The following MAML2 variants were observed in gnomAD, a reference collection of about 807,000 sequenced individuals.
The protein encoded by MAML2 is mastermind-like protein 2.
A neutral mutation model predicts 96.1 loss-of-function variants in MAML2; 22 were observed. The ratio of observed to expected loss-of-function variants is 0.23; its 90% confidence interval spans 0.16 to 0.33. The LOEUF is 0.33. MAML2 is among the 10% of genes least tolerant of loss of function. The pLI is 1.00. For synonymous variants in MAML2, 561 were observed against 521.3 expected, an observed-to-expected ratio of 1.08 and a Z score of -1.04; for missense variants, 1,367 against 1,392.4, an observed-to-expected ratio of 0.98 and a Z score of 0.29.
intron 1 of MAML2, among the ~76,000 whole-genome samples, chr11:96,106,902 A>G (rs556178516): frequency 6.6e-6 from 1 of 151,424 alleles, no homozygotes; most frequent in South Asian, 2.1e-4. Flanking sequence ...GCTAGAGGAT[A>G]AAGTGCTTCC....
At chr11:96,031,335 TTGTGTGTGTG>T (rs10596374) in intron 2 of MAML2, among the ~76,000 whole-genome samples, 2 of 150,236 alleles carry the variant, frequency 1.3e-5, no homozygotes, top group African/African-American at 2.4e-5. Flanking sequence ...ATTTAACAGT[TTGTGTGTGTG>T]TGTGTGTGTG....
chr11:96,073,321 CTTTTTT>C (rs57220287), intron 2 of MAML2, among the ~76,000 whole-genome samples: 47 of 108,314 alleles, frequency 4.3e-4, no homozygotes, highest in African/African-American at 1.2e-3. Flanking sequence ...CTTTTCTTTT[CTTTTTT>C]TTTTTTTTTT....
chr11:96,283,311 A>G (rs1018998560), intron 1 of MAML2, among the ~76,000 whole-genome samples: 2 of 152,202 alleles, frequency 1.3e-5, no homozygotes, highest in Non-Finnish European at 1.5e-5. Flanking sequence ...TTAACCAGAA[A>G]TTAAGTAAGG....
intron 1 of MAML2, among the ~76,000 whole-genome samples, chr11:96,175,917 A>G (rs890791249): frequency 4.6e-5 from 7 of 152,202 alleles, no homozygotes; most frequent in African/African-American, 1.4e-4. Flanking sequence ...CCTCAGTTCT[A>G]TAACTTACCT....
At chr11:95,989,512 C>T (rs7113517) in intron 3 of MAML2, among the ~76,000 whole-genome samples, 58,333 of 151,998 alleles carry the variant, frequency 0.38, 13,237 homozygotes, top group African/African-American at 0.63. Context: ...TGAAAATCAA[C>T]CTCTGTGTGT....
At chr11:96,077,761 G>A (rs569968808) in intron 2 of MAML2, among the ~76,000 whole-genome samples, 2 of 152,326 alleles carry the variant, frequency 1.3e-5, no homozygotes. Flanking sequence ...GACTCTGGGT[G>A]TGGCTGCAGC....
At chr11:96,280,953 A>G (rs1452581347) in intron 1 of MAML2, among the ~76,000 whole-genome samples, 1 of 152,208 alleles carries the variant, frequency 6.6e-6, no homozygotes, top group Non-Finnish European at 1.5e-5. Flanking sequence ...AGTAAGAACA[A>G]TGTATATGTA....
At chr11:96,284,253 T>C (rs992742371) in intron 1 of MAML2, among the ~76,000 whole-genome samples, 1 of 152,214 alleles carries the variant, frequency 6.6e-6, no homozygotes, top group African/African-American at 2.4e-5. Context: ...ATATGTGTAA[T>C]TTCAAAATCA....
At chr11:96,028,058 T>A (rs1255503045) in intron 2 of MAML2, among the ~76,000 whole-genome samples, 1 of 152,150 alleles carries the variant, frequency 6.6e-6, no homozygotes, top group Admixed American at 6.5e-5. Context: ...AAGGGACTCA[T>A]AAGTAAACAA....
chr11:96,307,059 C>A (rs1245033044), intron 1 of MAML2, among the ~76,000 whole-genome samples: 5 of 152,148 alleles, frequency 3.3e-5, no homozygotes, highest in Admixed American at 3.3e-4. Context: ...CTCACTCACA[C>A]GGCTGTAATA....
At chr11:96,283,405 G>T (rs1863097702) in intron 1 of MAML2, among the ~76,000 whole-genome samples, 1 of 152,130 alleles carries the variant, frequency 6.6e-6, no homozygotes, top group Non-Finnish European at 1.5e-5. Context: ...CTTGACATGG[G>T]AAATAGAAGA....
chr11:96,293,514 T>C (rs1863244631), intron 1 of MAML2, among the ~76,000 whole-genome samples: 1 of 152,124 alleles, frequency 6.6e-6, no homozygotes, highest in Non-Finnish European at 1.5e-5. Flanking sequence ...TTAAGATAAC[T>C]ATAAAAATAC....
At chr11:96,162,944 G>A (rs1201932681) in intron 1 of MAML2, among the ~76,000 whole-genome samples, 1 of 152,170 alleles carries the variant, frequency 6.6e-6, no homozygotes, top group Non-Finnish European at 1.5e-5. Flanking sequence ...TTCCTGCTTG[G>A]ATTAGTGTAA....
At chr11:96,226,486 C>A (rs190113436) in intron 1 of MAML2, among the ~76,000 whole-genome samples, 2 of 152,286 alleles carry the variant, frequency 1.3e-5, no homozygotes, top group East Asian at 3.9e-4. Flanking sequence ...AGTAAAACAT[C>A]CCCTAATTAA....
intron 2 of MAML2, among the ~76,000 whole-genome samples, chr11:96,002,737 AGATGATCGGGATGATGAGGAG>A (rs1858104699): frequency 7.7e-6 from 1 of 130,602 alleles, no homozygotes; most frequent in East Asian, 2.6e-4. Flanking sequence ...ATGATAAGAA[AGATGATCGGGATGATGAGGAG>A]GATGATGAGG....
rs184039711 is a variant in MAML2 at position 96,149,874 on chromosome 11, C to G, written c.514-56357G>C. On this transcript the variant is annotated intron_variant, in intron 1 of 4. Transcript: ENST00000524717. The stretch of plus-strand genomic sequence containing the variant: ...TAAATTTCTCTGCTGATCTCTCCTT[C>G]TTCCTTTGTCTCTGCCTGGCTCTGC... Among the ~76,000 whole-genome samples the G allele has an allele frequency of 2.9e-4, 44 of 152,246 alleles. No individual in the cohort carries two copies. In the East Asian group the frequency reaches 6.8e-3, roughly 23 times the overall value.
chr11:96,042,201 C>T (rs1180260291), intron 2 of MAML2, among the ~76,000 whole-genome samples: 1 of 152,180 alleles, frequency 6.6e-6, no homozygotes, highest in Admixed American at 6.5e-5. Context: ...TGGTCTCGAT[C>T]TCCTGACCTC....
intron 1 of MAML2, among the ~76,000 whole-genome samples, chr11:96,156,291 G>T (rs1018016106): frequency 6.6e-6 from 1 of 152,080 alleles, no homozygotes; most frequent in Non-Finnish European, 1.5e-5. Flanking sequence ...CTCCTCCTCC[G>T]CCCCTCACAC....
intron 1 of MAML2, among the ~76,000 whole-genome samples, chr11:96,248,498 C>T (rs1862540099): frequency 6.6e-6 from 1 of 152,014 alleles, no homozygotes; most frequent in African/African-American, 2.4e-5. Context: ...TACTTTTATT[C>T]TCTGCTATTA....
Sources: allele counts gnomAD v4.1 joint callset (sites outside exome capture counted in the v4.1 genomes callset), GRCh38; gene constraint gnomAD v4.1.1; transcripts MANE v1.5; gene names NCBI Gene and HGNC (gene_info 2026-07-23, HGNC 2026-07-21).